The following DRD3 variants were observed in gnomAD, a reference collection of about 807,000 sequenced individuals.
The protein encoded by DRD3 is dopamine receptor D3.
A neutral mutation model predicts 36.3 loss-of-function variants in DRD3; 19 were observed. That is an observed-to-expected ratio of 0.52 (90% CI 0.36 to 0.77). The LOEUF (loss-of-function observed/expected upper bound fraction) is 0.77, where lower values mean the gene tolerates loss of function less well. Ranked by LOEUF, DRD3 falls within the 30% of genes least tolerant of loss-of-function variation. The pLI, the probability that DRD3 is intolerant of heterozygous loss-of-function variation, is 0.00. For missense variants in DRD3, 465 were observed against 505.3 expected (o/e 0.92, Z 0.77); for synonymous variants, 195 against 203.7 (o/e 0.96, Z 0.36).
intron 3 of DRD3, among the ~76,000 whole-genome samples, chr3:114,150,699 G>A (rs1287249671): frequency 6.6e-6 from 1 of 152,146 alleles, no homozygotes; most frequent in Non-Finnish European, 1.5e-5. Context: ...CAAGGAACCT[G>A]GAGCCTCCTT....
intron 2 of DRD3, among the ~76,000 whole-genome samples, chr3:114,167,135 GT>G (rs2107877401): frequency 6.6e-6 from 1 of 152,080 alleles, no homozygotes; most frequent in South Asian, 2.1e-4. Context: ...TCTGTGGTGC[GT>G]TTCCTTGCCT....
In DRD3 at chr3:114,174,432, C is replaced by T. The variant is rs145102995; in HGVS notation, c.-35-2405G>A. On this transcript the variant is annotated intron_variant, in intron 1 of 6. Transcript: ENST00000383673. ...TGTTACTCTTTTGCTGGACTTTTTACTCTGCCAAGAGGTTTGACAGCTACC... is the reference window on the plus strand; with the variant it reads ...TGTTACTCTTTTGCTGGACTTTTTATTCTGCCAAGAGGTTTGACAGCTACC... Among the ~76,000 whole-genome samples the T allele has an allele frequency of 3.5e-3, 534 of 152,320 alleles. 14 individuals carry two copies. The highest frequency in any genetic ancestry group is 8.4e-4 in the Non-Finnish European group (57 of 68,036).
intron 2 of DRD3, among the ~76,000 whole-genome samples, chr3:114,163,060 A>C (rs115195253): frequency 6.6e-6 from 1 of 152,136 alleles, no homozygotes. Context: ...CAGGCCCCCA[A>C]TGGCCTGTCA....
At chr3:114,132,094 GAC>G (rs2077436235) in intron 5 of DRD3, among the ~76,000 whole-genome samples, 1 of 152,102 alleles carries the variant, frequency 6.6e-6, no homozygotes. Flanking sequence ...CTACTGTAAA[GAC>G]ACATACACAT....
chr3:114,181,098 A>G (rs2077945588), upstream of DRD3, among the ~76,000 whole-genome samples: 1 of 152,216 alleles, frequency 6.6e-6, no homozygotes. Context: ...TTGAGAACAC[A>G]TATTCTCTCT....
upstream of DRD3, among the ~76,000 whole-genome samples, chr3:114,181,935 G>T (rs954506502): frequency 3.9e-5 from 6 of 152,176 alleles, no homozygotes; most frequent in African/African-American, 1.4e-4. Flanking sequence ...GAGACTAAAT[G>T]AAGCATTATG....
intron 4 of DRD3, among the ~76,000 whole-genome samples, chr3:114,141,434 G>T (rs1207070815): frequency 6.6e-6 from 1 of 152,036 alleles, no homozygotes; most frequent in Non-Finnish European, 1.5e-5. Flanking sequence ...GAGAATAAAT[G>T]GTAGCTATTC....
chr3:114,155,379 T>A (rs1240166774), intron 3 of DRD3, among the ~76,000 whole-genome samples: 1 of 152,122 alleles, frequency 6.6e-6, no homozygotes, highest in Admixed American at 6.5e-5. Context: ...GAGCTTCGTT[T>A]TCGCTTGGGA....
chr3:114,158,242 T>C (rs1170703446), intron 3 of DRD3, among the ~76,000 whole-genome samples: 1 of 133,278 alleles, frequency 7.5e-6, no homozygotes, highest in Non-Finnish European at 1.6e-5. Context: ...CAGGACCTCA[T>C]CTCTGCAAAA....
intron 3 of DRD3, among the ~76,000 whole-genome samples, chr3:114,148,186 C>G (rs1405516604): frequency 6.6e-6 from 1 of 152,122 alleles, no homozygotes; most frequent in Non-Finnish European, 1.5e-5. Context: ...TCTACCTGAT[C>G]ACCCAGCATA....
chr3:114,176,039 C>A (rs186932217), intron 1 of DRD3: 1 of 152,178 alleles, frequency 6.6e-6, no homozygotes, highest in Non-Finnish European at 1.5e-5. Flanking sequence ...GGCAGGGGAA[C>A]AGAGAGTTGT....
intron 3 of DRD3, among the ~76,000 whole-genome samples, chr3:114,149,657 G>A (rs1049748336): frequency 6.6e-6 from 1 of 152,208 alleles, no homozygotes; most frequent in Non-Finnish European, 1.5e-5. Context: ...ATCTTGAGTG[G>A]GCCTGACCTA....
At chr3:114,196,693 T>C (rs2078037111) in intron 1 of DRD3, among the ~76,000 whole-genome samples, 2 of 152,190 alleles carry the variant, frequency 1.3e-5, no homozygotes, top group African/African-American at 4.8e-5. Flanking sequence ...TGACCTGAGG[T>C]CTAGTGGTTT....
Position 114,139,489 on chromosome 3 carries a change from A to G in DRD3, c.723+11T>C. 6.2e-7 allele frequency: 1 copy of G among 1,610,864 alleles called. No individual in the cohort carries two copies. Among genetic ancestry groups the G allele is most frequent in the Non-Finnish European group, 8.5e-7 (1 of 1,178,490 alleles). On this transcript the variant is annotated intron_variant, in intron 5 of 6. Transcript: ENST00000383673. ...GTGTTGTCTTCCCTCTACCCCCTCCAGGGTACTTACTTGCTGGGGGAAGCC... is the reference window on the plus strand; with the variant it reads ...GTGTTGTCTTCCCTCTACCCCCTCCGGGGTACTTACTTGCTGGGGGAAGCC...
chr3:114,183,583 TG>T (rs1327970458), upstream of DRD3, among the ~76,000 whole-genome samples: 1 of 152,174 alleles, frequency 6.6e-6, no homozygotes, highest in Admixed American at 6.5e-5. Context: ...TACCAGTTTT[TG>T]CTTCATGTAT....
chr3:114,140,953 G>C (rs1334239036), intron 4 of DRD3, among the ~76,000 whole-genome samples: 1 of 152,236 alleles, frequency 6.6e-6, no homozygotes, highest in Non-Finnish European at 1.5e-5. Context: ...GGAAGCCAGA[G>C]AGCCTTCAGT....
chr3:114,156,332 C>G (rs927346360), intron 3 of DRD3, among the ~76,000 whole-genome samples: 9 of 152,156 alleles, frequency 5.9e-5, no homozygotes, highest in African/African-American at 2.2e-4. Context: ...AAAACCAAAC[C>G]ATTAAAGCAC....
At position 114,197,390 on chromosome 3, in the gene DRD3, G is replaced by T. The variant is rs980937737; in HGVS notation, c.-156+1883C>A. 4.7e-5 allele frequency among the ~76,000 whole-genome samples: 7 copies of T among 149,756 alleles called. No homozygotes were observed. The East Asian group carries it at 1.4e-3, about 29-fold the overall frequency. Reference sequence around the variant, plus strand: ...CCCACCTCAGACTCCCAAAATGCTGGGATTACAAGCATAAGACACTGCATC... The same window carrying T: ...CCCACCTCAGACTCCCAAAATGCTGTGATTACAAGCATAAGACACTGCATC... On this transcript the variant is annotated intron_variant, in intron 1 of 7. Coordinates refer to the DRD3 transcript ENST00000460779.
At chr3:114,157,041 T>C (rs2077688114) in intron 3 of DRD3, among the ~76,000 whole-genome samples, 1 of 148,780 alleles carries the variant, frequency 6.7e-6, no homozygotes, top group Admixed American at 6.8e-5. Flanking sequence ...TTTCTTTCTC[T>C]CCTTTTTTTT....
Sources: allele counts gnomAD v4.1 joint callset (sites outside exome capture counted in the v4.1 genomes callset), GRCh38; gene constraint gnomAD v4.1.1; transcripts MANE v1.5; gene names NCBI Gene and HGNC (gene_info 2026-07-23, HGNC 2026-07-21).